The following FAM222A variants were observed in gnomAD, a reference collection of about 807,000 sequenced individuals.
FAM222A encodes the protein protein FAM222A.
FAM222A carries 7 observed loss-of-function variants against 25.8 expected under a neutral mutation model. The ratio of observed to expected loss-of-function variants is 0.27; its 90% CI spans 0.15 to 0.51. FAM222A has a LOEUF of 0.51. FAM222A is among the 20% of genes least tolerant of loss of function. The pLI, the probability that FAM222A is intolerant of heterozygous loss-of-function variation, is 0.97. For synonymous variants in FAM222A, 294 were observed against 298.8 expected, an observed-to-expected ratio of 0.98 and a Z score of 0.17; for missense variants, 573 against 640.5, an observed-to-expected ratio of 0.89 and a Z score of 1.14.
intron 1 of FAM222A, chr12:109,734,540 G>A (rs1413098400): frequency 4.6e-5 from 7 of 151,672 alleles, no homozygotes; most frequent in Non-Finnish European, 7.4e-5. Context: ...TTTACAATGA[G>A]CGCCAGTCGC....
chr12:109,730,668 G>C (rs796730598), intron 1 of FAM222A, among the ~76,000 whole-genome samples: 19 of 152,202 alleles, frequency 1.2e-4, no homozygotes, highest in Non-Finnish European at 1.5e-5. Context: ...CATCTTTGCC[G>C]TGTTTGGTTT....
rs1430373895 is a variant in FAM222A, at chr12:109,740,881, G to A, written c.-46-3220G>A. Among the ~76,000 whole-genome samples, 3 of 152,332 alleles carry A rather than the reference G, an allele frequency of 2.0e-5. No individual in the cohort carries two copies. In the East Asian group the frequency reaches 5.8e-4, roughly 29 times the overall value. On this transcript the variant is annotated intron_variant, in intron 1 of 2. Transcript: ENST00000538780. ...GAGATGGTGGATATCTAGAGGAAGG[G>A]AAGGGTGAGCCAGGGTCTGAAGACA...
At chr12:109,741,209 C>T (rs1483041307) in intron 1 of FAM222A, among the ~76,000 whole-genome samples, 1 of 152,142 alleles carries the variant, frequency 6.6e-6, no homozygotes, top group East Asian at 1.9e-4. Flanking sequence ...CCCCCAGTGG[C>T]AGGACACAGG....
rs377745939 is a variant in FAM222A at position 109,758,353 on chromosome 12, G to A, written c.83-9659G>A. On this transcript the variant is annotated intron_variant, in intron 2 of 2. Coordinates refer to ENST00000538780, the MANE Select transcript of FAM222A (RefSeq NM_032829.3). ...AGCCTTTTCTGAGCACCTGTACCAGGCTGACTGACATGCATTCTGTCATTT... is the reference window on the plus strand; with the variant it reads ...AGCCTTTTCTGAGCACCTGTACCAGACTGACTGACATGCATTCTGTCATTT... 5.6e-4 allele frequency among the ~76,000 whole-genome samples: 86 copies of A among 152,308 alleles called. 1 individual carries two copies. The highest frequency in any genetic ancestry group is 1.9e-3 in the African/African-American group (80 of 41,562).
chr12:109,746,786 C>T (rs777301248), intron 2 of FAM222A, among the ~76,000 whole-genome samples: 2 of 152,202 alleles, frequency 1.3e-5, no homozygotes, highest in African/African-American at 2.4e-5. Context: ...CACCTCATCT[C>T]TCCTCACCAA....
At chr12:109,715,644 G>A (rs1472398560) in intron 1 of FAM222A, among the ~76,000 whole-genome samples, 1 of 152,210 alleles carries the variant, frequency 6.6e-6, no homozygotes, top group Admixed American at 6.5e-5. Context: ...CCATAAGGTG[G>A]GGGAGGGAGG....
At chr12:109,757,628 G>A (rs1462732165) in intron 2 of FAM222A, among the ~76,000 whole-genome samples, 3 of 151,972 alleles carry the variant, frequency 2.0e-5, no homozygotes, top group Non-Finnish European at 2.9e-5. Flanking sequence ...TTTCCAAAAT[G>A]AGAGAAAAAA....
chr12:109,769,541 A>C lies in FAM222A; in HGVS notation c.*253A>C. 1.9e-6 allele frequency: 1 copy of C among 537,384 alleles called. No individual in the cohort carries two copies. The highest frequency in any genetic ancestry group is 3.3e-6 in the Non-Finnish European group (1 of 304,514). 33.3% of individuals were successfully genotyped at this position (537,384 alleles called of 1,614,324 possible). A position where few individuals can be genotyped will look rare whatever the true frequency, so the allele number is the denominator to read the frequency against. On this transcript the variant is annotated 3_prime_UTR_variant, in exon 3 of 3. Transcript: ENST00000538780. Reference sequence around the variant, plus strand: ...GGCCTGGGGGCAGCCACTGACGCCCATGCCTTCCTTTATCTAAGCTGGCAG... The same window carrying C: ...GGCCTGGGGGCAGCCACTGACGCCCCTGCCTTCCTTTATCTAAGCTGGCAG...
rs758625397 is a variant in FAM222A at position 109,744,248 on chromosome 12, A to C, written c.82+20A>C. On this transcript the variant is annotated intron_variant, in intron 2 of 2. Transcript: ENST00000538780. ...GCAAGTGTGAGTAGGACGCCTCCCC[A>C]GCCTTTGCAGGGCAGGTCGTGGGCA... The C allele has an allele frequency of 5.6e-6, 9 of 1,607,960 alleles. No homozygotes were observed. The South Asian group carries it at 1.0e-4, about 18-fold the overall frequency.
At chr12:109,765,443 C>T (rs907460549) in intron 2 of FAM222A, among the ~76,000 whole-genome samples, 7 of 152,238 alleles carry the variant, frequency 4.6e-5, no homozygotes, top group Non-Finnish European at 8.8e-5. Flanking sequence ...AAGCCTGCCC[C>T]GGTGCCTCTC....
At chr12:109,759,976 C>T (rs563556098) in intron 2 of FAM222A, among the ~76,000 whole-genome samples, 78 of 152,246 alleles carry the variant, frequency 5.1e-4, no homozygotes, top group South Asian at 3.3e-3. Flanking sequence ...TACGAGGGCA[C>T]GTCAGGGGCT....
In FAM222A at chr12:109,769,185, C is replaced by G; in HGVS notation, c.1256C>G (p.Pro419Arg). The G allele has an allele frequency of 6.2e-7, 1 of 1,612,528 alleles. No homozygotes were observed. The highest frequency in any genetic ancestry group is 8.5e-7 in the Non-Finnish European group (1 of 1,179,832). ...TATCTCATCAACGACATCCGGCCGC[C>G]CTGCATCAAGGAGCAGATGCTGGGC... ...LEYLINDIRP[P>R]CIKEQMLGKG... Residue 419 changes from proline to arginine, a missense_variant, in exon 3 of 3, where the codon CCC becomes CGC. This residue lies in a region of FAM222A where 49 missense variants were observed against 78.9 expected (regional missense o/e 0.62). Coordinates refer to ENST00000538780, the MANE Select transcript of FAM222A (RefSeq NM_032829.3).
chr12:109,720,731 T>A (rs1463808151), intron 1 of FAM222A, among the ~76,000 whole-genome samples: 3 of 152,242 alleles, frequency 2.0e-5, no homozygotes, highest in Non-Finnish European at 4.4e-5. Context: ...CAAGCCCCAG[T>A]TGCCTTGAAA....
chr12:109,753,547 G>GC (rs10596849), intron 2 of FAM222A, among the ~76,000 whole-genome samples: 6 of 151,562 alleles, frequency 4.0e-5, no homozygotes, highest in African/African-American at 7.3e-5. Flanking sequence ...TACCTCACCT[G>GC]CCCCCCCATC....
intron 2 of FAM222A, among the ~76,000 whole-genome samples, chr12:109,763,750 G>A (rs1482657869): frequency 6.6e-6 from 1 of 152,118 alleles, no homozygotes; most frequent in East Asian, 1.9e-4. Context: ...TGTTTGGTGT[G>A]GGTCCCAGGG....
Position 109,770,238 on chromosome 12 carries a change from C to T in FAM222A, c.*950C>T, listed in dbSNP as rs1009588043. On this transcript the variant is annotated 3_prime_UTR_variant, in exon 3 of 3. Coordinates refer to ENST00000538780, the MANE Select transcript of FAM222A (RefSeq NM_032829.3). Reference sequence around the variant, plus strand: ...CAACTCCTTTCCTGCAAACCACCCTCCAAGGCCTGTCCCACACGATCAAGG... The same window carrying T: ...CAACTCCTTTCCTGCAAACCACCCTTCAAGGCCTGTCCCACACGATCAAGG... 1 of 152,584 alleles carries T rather than the reference C, an allele frequency of 6.6e-6. No individual in the cohort carries two copies. The highest frequency in any genetic ancestry group is 2.4e-5 in the African/African-American group (1 of 41,430). The allele number at this position is 152,584 out of a possible 1,614,324, so 9.5% of individuals were successfully genotyped here.
intron 2 of FAM222A, among the ~76,000 whole-genome samples, chr12:109,762,152 C>T (rs1888916709): frequency 6.6e-6 from 1 of 152,238 alleles, no homozygotes; most frequent in African/African-American, 2.4e-5. Flanking sequence ...CACTCATAGT[C>T]CCATGCCCTG....
chr12:109,736,736 A>C (rs1888096801), intron 1 of FAM222A, among the ~76,000 whole-genome samples: 2 of 152,182 alleles, frequency 1.3e-5, no homozygotes, highest in Non-Finnish European at 2.9e-5. Flanking sequence ...ACGGAGGCAC[A>C]TCGCAGTTGT....
rs868043654 is a variant in FAM222A, at chr12:109,770,061, C to T, written c.*773C>T. On this transcript the variant is annotated 3_prime_UTR_variant, in exon 3 of 3. Transcript: ENST00000538780. ...TTCACCCAAACTTGTATATTTATTA[C>T]AATTTTCTGCATCTTGAGGAAGGGG... 1.3e-5 allele frequency: 2 copies of T among 152,368 alleles called. No individual in the cohort carries two copies. The highest frequency in any genetic ancestry group is 2.4e-5 in the African/African-American group (1 of 41,568). 9.4% of individuals were successfully genotyped at this position (152,368 alleles called of 1,614,324 possible).
Sources: gnomAD v4.1 joint callset for allele counts (sites outside exome capture counted in the v4.1 genomes callset) on GRCh38, gnomAD v4.1.1 for gene constraint, gnomAD v4.1.1 regional missense constraint, MANE v1.5 for transcripts, NCBI Gene and HGNC (gene_info 2026-07-23, HGNC 2026-07-21) for gene names.